SPATA31H1: variants seen among roughly 807,000 people sequenced by gnomAD.
SPATA31H1 encodes the protein spermatogenesis-associated protein 31H1.
chr2:27,576,651 A>G, the SPATA31H1 span: 1 of 1,613,486 alleles, frequency 6.2e-7, no homozygotes, highest in Non-Finnish European at 8.5e-7. Context: ...TGTGAAATCA[A>G]TGATGTTGGT....
chr2:27,568,404 A>C, the SPATA31H1 span: 1 of 398,932 alleles, frequency 2.5e-6, no homozygotes, highest in Non-Finnish European at 4.4e-6. Flanking sequence ...TCCAGGGCTA[A>C]TATGTCAAGA....
At chr2:27,545,091 C>T in the SPATA31H1 span, among the ~76,000 whole-genome samples, 19 of 151,250 alleles carry the variant, frequency 1.3e-4, no homozygotes, top group South Asian at 2.3e-3. Context: ...AGCTCAATCT[C>T]GGCTCACTGC....
chr2:27,564,181 G>T, the SPATA31H1 span, among the ~76,000 whole-genome samples: 1 of 152,188 alleles, frequency 6.6e-6, no homozygotes, highest in Admixed American at 6.5e-5. Context: ...ATAGACTCAT[G>T]GTTAAAATTC....
At chr2:27,550,517 C>T in the SPATA31H1 span, among the ~76,000 whole-genome samples, 2 of 146,306 alleles carry the variant, frequency 1.4e-5, no homozygotes, top group African/African-American at 5.1e-5. Flanking sequence ...CTCCTGGGTT[C>T]AAGCGATTCT....
chr2:27,538,367 C>G, the SPATA31H1 span, among the ~76,000 whole-genome samples: 4 of 152,148 alleles, frequency 2.6e-5, no homozygotes, highest in Admixed American at 2.6e-4. Context: ...TTCTACAATT[C>G]TAGCAAGCTC....
At chr2:27,575,853 G>C in the SPATA31H1 span, 1 of 398,274 alleles carries the variant, frequency 2.5e-6, no homozygotes, top group Non-Finnish European at 4.4e-6. This position sits in a 1 kb window ranked among gnomAD's most constrained non-coding sequence, Gnocchi z 4.1. Context: ...GTGCAACCCA[G>C]GGCCGTATTT....
the SPATA31H1 span, among the ~76,000 whole-genome samples, chr2:27,542,031 C>T: frequency 1.3e-5 from 2 of 151,984 alleles, no homozygotes; most frequent in African/African-American, 2.4e-5. Context: ...CCTCAGCCTT[C>T]CAAAGTGCTG....
chr2:27,578,747 G>C, the SPATA31H1 span: 1 of 1,614,092 alleles, frequency 6.2e-7, no homozygotes, highest in Non-Finnish European at 8.5e-7. Context: ...TACAAGTAGG[G>C]ACTGACTTCT....
At chr2:27,579,121 C>G in the SPATA31H1 span, 1 of 1,614,176 alleles carries the variant, frequency 6.2e-7, no homozygotes, top group Non-Finnish European at 8.5e-7. Flanking sequence ...AGATCACGAT[C>G]TAGGACATTC....
the SPATA31H1 span, chr2:27,582,352 G>C: frequency 8.1e-6 from 13 of 1,614,216 alleles, no homozygotes; most frequent in Middle Eastern, 1.6e-4. Flanking sequence ...AACCATTGCA[G>C]TCCCTCTGAG....
At chr2:27,581,963 C>A in the SPATA31H1 span, 12 of 1,612,770 alleles carry the variant, frequency 7.4e-6, no homozygotes, top group East Asian at 2.2e-5. Context: ...CTGAGAGAAG[C>A]CATCACAGTC....
the SPATA31H1 span, among the ~76,000 whole-genome samples, chr2:27,559,454 C>A: frequency 2.0e-5 from 3 of 152,264 alleles, no homozygotes; most frequent in African/African-American, 7.2e-5. Context: ...AGGATCTTGG[C>A]TCTTCTGGTT....
the SPATA31H1 span, among the ~76,000 whole-genome samples, chr2:27,541,268 G>A: frequency 0.58 from 87,027 of 151,284 alleles, 25,894 homozygotes; most frequent in East Asian, 0.85. Context: ...GGCGGCGAGC[G>A]CCTGCAATCG....
the SPATA31H1 span, among the ~76,000 whole-genome samples, chr2:27,539,012 G>A: frequency 6.6e-6 from 1 of 151,350 alleles, no homozygotes; most frequent in Non-Finnish European, 1.5e-5. Flanking sequence ...TGTGGAAGGT[G>A]TTGCAAGACT....
At chr2:27,556,364 A>G in the SPATA31H1 span, among the ~76,000 whole-genome samples, 1 of 151,224 alleles carries the variant, frequency 6.6e-6, no homozygotes, top group East Asian at 1.9e-4. Flanking sequence ...ACAGACAGTT[A>G]CCATATACTC....
the SPATA31H1 span, among the ~76,000 whole-genome samples, chr2:27,551,771 A>G: frequency 4.6e-5 from 7 of 152,158 alleles, no homozygotes; most frequent in African/African-American, 1.7e-4. Flanking sequence ...TACTAATTCT[A>G]AATGTTAAGC....
At chr2:27,569,659 A>G in the SPATA31H1 span, 6 of 398,762 alleles carry the variant, frequency 1.5e-5, no homozygotes, top group Admixed American at 4.4e-5. Context: ...AAACACATGA[A>G]TTTAATCCAA....
At chr2:27,567,141 C>CA in the SPATA31H1 span, 1 of 671,152 alleles carries the variant, frequency 1.5e-6, no homozygotes, top group South Asian at 1.7e-5. Flanking sequence ...TATCTGCAAA[C>CA]AAAAAAGGAA....
the SPATA31H1 span, chr2:27,581,277 C>T: frequency 6.2e-7 from 1 of 1,614,222 alleles, no homozygotes; most frequent in African/African-American, 1.3e-5. Context: ...CCATCGCAGT[C>T]CCTCTGAGAG....
Sources: gnomAD v4.1 joint callset for allele counts (sites outside exome capture counted in the v4.1 genomes callset) on GRCh38, gnomAD v4.1.1 for gene constraint, Gnocchi (gnomAD v3.1) non-coding constraint, MANE v1.5 for transcripts, NCBI Gene and HGNC (gene_info 2026-07-23, HGNC 2026-07-21) for gene names.